NF2: variants seen among roughly 807,000 people sequenced by gnomAD.
NF2 encodes the protein NF2, moesin-ezrin-radixin like (MERLIN) tumor suppressor.
In NF2, 8 loss-of-function variants were observed where a neutral mutation model predicts 83.7. The ratio of observed to expected loss-of-function variants is 0.10; its 90% CI spans 0.06 to 0.17. The LOEUF is 0.17. Among genes scored for constraint, NF2 ranks in the 10% least tolerant of loss-of-function variants. The probability of loss-of-function intolerance (pLI) is 1.00; values close to 1 mark genes in which losing one functional copy is unlikely to be tolerated. For synonymous variants in NF2, 266 were observed against 269.6 expected (o/e 0.99, Z 0.13); for missense variants, 533 against 744.4 (o/e 0.72, Z 3.31).
At chr22:29,612,473 C>T (rs913878318) in intron 1 of NF2, among the ~76,000 whole-genome samples, 7 of 151,300 alleles carry the variant, frequency 4.6e-5, no homozygotes, top group South Asian at 2.1e-4. Context: ...CAGGCATGCG[C>T]GATCATCCCT....
chr22:29,652,478 A>AT (rs1401644741), intron 4 of NF2, among the ~76,000 whole-genome samples: 2 of 151,798 alleles, frequency 1.3e-5, no homozygotes, highest in Non-Finnish European at 1.5e-5. Flanking sequence ...CTGATTTTGT[A>AT]TTTTTAGTAG....
At chr22:29,664,621 G>A (rs1173541404) in intron 8 of NF2, among the ~76,000 whole-genome samples, 1 of 152,226 alleles carries the variant, frequency 6.6e-6, no homozygotes, top group Non-Finnish European at 1.5e-5. Context: ...ATTGGCTGTT[G>A]TTAGCCTAGT....
chr22:29,684,004 G>A, intron 15 of NF2: 1 of 824,724 alleles, frequency 1.2e-6, no homozygotes, highest in Non-Finnish European at 1.5e-6. Context: ...AGTCTTCCCT[G>A]CAGTTTCTGC....
At chr22:29,620,175 C>G (rs530525859) in intron 1 of NF2, among the ~76,000 whole-genome samples, 2 of 152,246 alleles carry the variant, frequency 1.3e-5, no homozygotes, top group South Asian at 4.1e-4. Flanking sequence ...AGGAGAATTG[C>G]TTGAACCTGG....
Position 29,661,092 on chromosome 22 carries a change from G to A in NF2, c.676-113G>A, listed in dbSNP as rs2066464133. The A allele has an allele frequency of 3.5e-5, 51 of 1,472,290 alleles. 1 individual carries two copies. The South Asian group carries it at 5.7e-4, about 16-fold the overall frequency. The allele number at this position is 1,472,290 out of a possible 1,614,324, so 91.2% of individuals were successfully genotyped here. ...TATAAGACAGCTGTGACTTCTGTTG[G>A]GACCTGCTGAAACTTGTCACATGTG... On this transcript the variant is annotated intron_variant, in intron 7 of 15. Coordinates refer to ENST00000338641, the MANE Select transcript of NF2 (RefSeq NM_000268.4).
At chr22:29,663,693 C>A (rs758624239) in intron 8 of NF2, among the ~76,000 whole-genome samples, 11 of 152,240 alleles carry the variant, frequency 7.2e-5, no homozygotes, top group Non-Finnish European at 1.3e-4. Context: ...AACAAAGGAT[C>A]ATTTTCTGTC....
chr22:29,664,009 G>T (rs781742109), intron 8 of NF2, among the ~76,000 whole-genome samples: 1 of 152,080 alleles, frequency 6.6e-6, no homozygotes, highest in Non-Finnish European at 1.5e-5. Context: ...TTCTACTATA[G>T]TCCATTTTTT....
chr22:29,609,093 T>G, intron 1 of NF2: 1 of 746,604 alleles, frequency 1.3e-6, no homozygotes, highest in East Asian at 2.5e-5. Context: ...AATCAGTACA[T>G]CTTTCATCTC....
chr22:29,649,672 G>A (rs536068871), intron 4 of NF2, among the ~76,000 whole-genome samples: 2 of 152,098 alleles, frequency 1.3e-5, no homozygotes, highest in East Asian at 3.9e-4. Flanking sequence ...AACCCAGGAG[G>A]CAGAGGTTGC....
Position 29,678,280 on chromosome 22 carries a change from G to T in NF2, c.1531G>T (p.Asp511Tyr). The T allele has an allele frequency of 1.2e-6, 2 of 1,614,128 alleles. No individual in the cohort carries two copies. The highest frequency in any genetic ancestry group is 1.7e-6 in the Non-Finnish European group (2 of 1,179,998). Residue 511 changes from aspartate to tyrosine, a missense_variant, in exon 14 of 16, where the codon GAT becomes TAT. Asp to Tyr is a radical substitution (Grantham distance 160). This residue lies in a region of NF2 where 199 missense variants were observed against 240.7 expected (regional missense o/e 0.83). Transcript: ENST00000338641. ...IGDSLSFDFKDTDMKRLSMEI... is the reference protein window; with the variant it reads ...IGDSLSFDFKYTDMKRLSMEI... ...TGACAGCCTGTCTTTCGACTTCAAAGATACTGACATGAAGCGGCTTTCCAT... is the reference window on the plus strand; with the variant it reads ...TGACAGCCTGTCTTTCGACTTCAAATATACTGACATGAAGCGGCTTTCCAT...
intron 1 of NF2, 59 bp downstream of exon 1, chr22:29,604,171 T>C: frequency 1.5e-6 from 2 of 1,326,752 alleles, no homozygotes; most frequent in Non-Finnish European, 2.1e-6. Context: ...CTCGAGAGGT[T>C]CTCTTTATAT....
intron 9 of NF2, 139 bp downstream of exon 9, chr22:29,665,203 T>A: frequency 1.3e-6 from 1 of 743,532 alleles, no homozygotes; most frequent in Non-Finnish European, 2.3e-6. Flanking sequence ...CTGTTTAGCT[T>A]AAAGAGTTAA....
intron 1 of NF2, among the ~76,000 whole-genome samples, chr22:29,621,047 C>G (rs992868773): frequency 3.9e-5 from 6 of 152,152 alleles, no homozygotes; most frequent in African/African-American, 1.4e-4. Context: ...CAGAATAGGA[C>G]AGGGACAGGT....
At chr22:29,648,352 C>T (rs1043262808) in intron 4 of NF2, among the ~76,000 whole-genome samples, 1 of 152,040 alleles carries the variant, frequency 6.6e-6, no homozygotes, top group Admixed American at 6.6e-5. Flanking sequence ...TGTTTCATCT[C>T]ACAGGTAATC....
At chr22:29,692,516 C>T (rs2067433868) in intron 15 of NF2, among the ~76,000 whole-genome samples, 1 of 152,198 alleles carries the variant, frequency 6.6e-6, no homozygotes, top group Non-Finnish European at 1.5e-5. Context: ...GCATGCTCCT[C>T]GGGTGGAGGA....
At chr22:29,683,337 T>C in intron 15 of NF2, 1 of 1,401,572 alleles carries the variant, frequency 7.1e-7, no homozygotes, top group Non-Finnish European at 9.3e-7. Context: ...CTCGGGTCAT[T>C]GTTGGGCTGG....
At chr22:29,680,295 A>C (rs764375514) in intron 14 of NF2, among the ~76,000 whole-genome samples, 22 of 152,148 alleles carry the variant, frequency 1.4e-4, no homozygotes, top group Non-Finnish European at 2.9e-5. Context: ...TATTTTTAGT[A>C]GAGATGGGGT....
chr22:29,635,228 A>C (rs1416666945), intron 1 of NF2, among the ~76,000 whole-genome samples: 1 of 152,084 alleles, frequency 6.6e-6, no homozygotes, highest in Non-Finnish European at 1.5e-5. Flanking sequence ...CCTACTTGAA[A>C]ACTCCCCTGT....
In NF2 at chr22:29,660,803, G is replaced by A. The variant is rs534978660; in HGVS notation, c.676-402G>A. ...AGGCTGGTCTTGAACTCCTGACCTC[G>A]TGAACCGCCCGCCTCGGCCTCCCAA... is the stretch of plus-strand genomic sequence containing the variant. On this transcript the variant is annotated intron_variant, in intron 7 of 15. Transcript: ENST00000338641. Among the ~76,000 whole-genome samples, 13 of 152,210 alleles carry A rather than the reference G, an allele frequency of 8.5e-5. No individual in the cohort carries two copies. In the South Asian group the frequency reaches 2.3e-3, roughly 27 times the overall value.
Sources: gnomAD v4.1 joint callset for allele counts (sites outside exome capture counted in the v4.1 genomes callset) on GRCh38, gnomAD v4.1.1 for gene constraint, gnomAD v4.1.1 regional missense constraint, MANE v1.5 for transcripts, NCBI Gene and HGNC (gene_info 2026-07-23, HGNC 2026-07-21) for gene names.